The following CUX1 variants were observed in gnomAD, a reference collection of about 807,000 sequenced individuals.
The protein encoded by CUX1 is cut like homeobox 1, also known as protein CASP.
Under a neutral mutation model 158.8 loss-of-function variants are expected in CUX1, and 31 were observed. The observed-to-expected ratio is 0.20, with a 90% CI of 0.15 to 0.26. The LOEUF is 0.26. Ranked by LOEUF, CUX1 falls within the 10% of genes least tolerant of loss-of-function variation. The pLI, the probability that CUX1 is intolerant of heterozygous loss-of-function variation, is 1.00. For synonymous variants in CUX1, 879 were observed against 862.1 expected (o/e 1.02, Z -0.34); for missense variants, 1,589 against 2,014.6 (o/e 0.79, Z 4.04).
chr7:101,929,740 G>GCCAC (rs2129113611), intron 2 of CUX1, among the ~76,000 whole-genome samples: 1 of 152,262 alleles, frequency 6.6e-6, no homozygotes, highest in Non-Finnish European at 1.5e-5. Flanking sequence ...TGAAGCGTAA[G>GCCAC]CCACCCACCC....
chr7:102,209,755 A>G (rs2132123901), intron 20 of CUX1, among the ~76,000 whole-genome samples: 1 of 152,262 alleles, frequency 6.6e-6, no homozygotes, highest in Non-Finnish European at 1.5e-5. Flanking sequence ...TTCATCCCTC[A>G]TTTCTGGACC....
At chr7:102,018,185 T>G (rs1818890926) in intron 2 of CUX1, among the ~76,000 whole-genome samples, 1 of 152,166 alleles carries the variant, frequency 6.6e-6, no homozygotes, top group Non-Finnish European at 1.5e-5. Context: ...GGTCTTGAAC[T>G]CCTGGCCTCA....
chr7:102,112,981 C>G (rs1253997049), intron 7 of CUX1, among the ~76,000 whole-genome samples: 1 of 151,770 alleles, frequency 6.6e-6, no homozygotes, highest in Non-Finnish European at 1.5e-5. Context: ...ACACAAATGA[C>G]GAGAGTGGGA....
At chr7:101,868,817 C>G (rs534882276) in intron 1 of CUX1, among the ~76,000 whole-genome samples, 1 of 152,130 alleles carries the variant, frequency 6.6e-6, no homozygotes, top group African/African-American at 2.4e-5. Flanking sequence ...GGACTGGGGC[C>G]ATTTGTCGTG....
rs1585696351 is a variant in CUX1 at position 102,105,219 on chromosome 7, T to A, written c.530+760T>A. Among the ~76,000 whole-genome samples, 4 of 144,022 alleles carry A rather than the reference T, an allele frequency of 2.8e-5. No individual in the cohort carries two copies. The East Asian group carries it at 6.0e-4, about 22-fold the overall frequency. 94.5% of individuals were successfully genotyped at this position (144,022 alleles called of 152,430 possible). Reference sequence around the variant, plus strand: ...CACACACACACACACACACACAGACTCTCTGATGTATTTAATATTACACAC... The same window carrying A: ...CACACACACACACACACACACAGACACTCTGATGTATTTAATATTACACAC... On this transcript the variant is annotated intron_variant, in intron 6 of 23. Coordinates refer to ENST00000292535, the MANE Select transcript of CUX1 (RefSeq NM_181552.4).
At chr7:102,230,468 G>A (rs1406718629) in intron 21 of CUX1, among the ~76,000 whole-genome samples, 8 of 144,376 alleles carry the variant, frequency 5.5e-5, no homozygotes, top group Admixed American at 4.3e-4. Context: ...CTGGGCAACA[G>A]AGCAAGACAC....
chr7:101,860,554 C>G (rs756262301), intron 1 of CUX1, among the ~76,000 whole-genome samples: 1 of 152,170 alleles, frequency 6.6e-6, no homozygotes. Flanking sequence ...CCTGCTGTCA[C>G]CTGCCATCAC....
intron 7 of CUX1, chr7:102,112,125 A>G (rs889223889): frequency 5.7e-6 from 1 of 175,916 alleles, no homozygotes; most frequent in African/African-American, 2.4e-5. Context: ...AAAAAAACTC[A>G]CTTCTACCCT....
In CUX1 at chr7:102,131,005, C is replaced by T. The variant is rs184228616; in HGVS notation, c.674+15732C>T. On this transcript the variant is annotated intron_variant, in intron 8 of 23. Transcript: ENST00000292535. Reference sequence around the variant, plus strand: ...CTCTACTGAAAATACGAAAATTAGCCGGGCGTGGTGGTACACGCCTGTAGT... The same window carrying T: ...CTCTACTGAAAATACGAAAATTAGCTGGGCGTGGTGGTACACGCCTGTAGT... Among the ~76,000 whole-genome samples, 925 of 150,430 alleles carry T rather than the reference C, an allele frequency of 6.1e-3. 12 individuals are homozygous for T. Among genetic ancestry groups the T allele is most frequent in the African/African-American group, 0.021 (879 of 40,968 alleles).
chr7:101,952,212 G>A (rs369251731), intron 2 of CUX1, among the ~76,000 whole-genome samples: 1 of 151,928 alleles, frequency 6.6e-6, no homozygotes, highest in East Asian at 1.9e-4. Flanking sequence ...GCGAGACCCC[G>A]TCTCTACAAA....
chr7:102,013,278 AATAG>A (rs1355580323), intron 2 of CUX1, among the ~76,000 whole-genome samples: 4 of 152,206 alleles, frequency 2.6e-5, no homozygotes, highest in African/African-American at 7.2e-5. Flanking sequence ...GATGGAGATA[AATAG>A]ATCTATATTT....
chr7:102,059,360 A>C (rs1824508795), intron 3 of CUX1, among the ~76,000 whole-genome samples: 1 of 152,156 alleles, frequency 6.6e-6, no homozygotes, highest in South Asian at 2.1e-4. Flanking sequence ...GGGACCGGGT[A>C]CAGTGGCTCA....
At chr7:101,930,120 G>T (rs1210851274) in intron 2 of CUX1, among the ~76,000 whole-genome samples, 2 of 152,184 alleles carry the variant, frequency 1.3e-5, no homozygotes, top group Non-Finnish European at 2.9e-5. Flanking sequence ...GGGATTACAG[G>T]CATGCGTCAC....
At chr7:101,984,076 C>G (rs574610788) in intron 2 of CUX1, among the ~76,000 whole-genome samples, 1 of 6,074 alleles carries the variant, frequency 1.6e-4, no homozygotes, top group Non-Finnish European at 4.7e-4. Flanking sequence ...CTGTCCCCCC[C>G]CAAAAAAAAA....
intron 4 of CUX1, among the ~76,000 whole-genome samples, chr7:102,073,650 A>G (rs1826391591): frequency 6.6e-6 from 1 of 152,172 alleles, no homozygotes. Context: ...TTTCTCATCA[A>G]CGTTTCCTCT....
chr7:102,093,208 A>G (rs1554482894), intron 4 of CUX1, among the ~76,000 whole-genome samples: 3 of 113,220 alleles, frequency 2.6e-5, no homozygotes, highest in Admixed American at 2.0e-4. Context: ...CTCAGGCTGG[A>G]GTGAGACCCT....
At chr7:101,929,768 C>T (rs1001494241) in intron 2 of CUX1, among the ~76,000 whole-genome samples, 5 of 152,154 alleles carry the variant, frequency 3.3e-5, no homozygotes, top group African/African-American at 9.7e-5. Flanking sequence ...AGGATTTTCC[C>T]GGGCAGACAG....
intron 20 of CUX1, among the ~76,000 whole-genome samples, chr7:102,224,018 G>A (rs1242681226): frequency 2.6e-5 from 4 of 152,164 alleles, no homozygotes; most frequent in Non-Finnish European, 4.4e-5. Flanking sequence ...TTCTGAGCTC[G>A]TGGATTCACG....
At chr7:102,002,834 G>C (rs1322883768) in intron 2 of CUX1, among the ~76,000 whole-genome samples, 1 of 152,188 alleles carries the variant, frequency 6.6e-6, no homozygotes, top group African/African-American at 2.4e-5. Context: ...CCCTTGGGTG[G>C]AAGCCTTCCA....
Sources: gnomAD v4.1 joint callset for allele counts (sites outside exome capture counted in the v4.1 genomes callset) on GRCh38, gnomAD v4.1.1 for gene constraint, MANE v1.5 for transcripts, NCBI Gene and HGNC (gene_info 2026-07-23, HGNC 2026-07-21) for gene names.